The following LCORL variants were observed in gnomAD, a reference collection of about 807,000 sequenced individuals.
LCORL encodes the protein ligand-dependent nuclear receptor corepressor-like protein.
Under a neutral mutation model 141.8 loss-of-function variants are expected in LCORL, and 41 were observed. The ratio of observed to expected loss-of-function variants is 0.29; its 90% CI spans 0.23 to 0.38. The LOEUF (loss-of-function observed/expected upper bound fraction) is 0.38, where lower values mean the gene tolerates loss of function less well. Ranked by LOEUF, LCORL falls within the 10% of genes least tolerant of loss-of-function variation. The probability of loss-of-function intolerance (pLI) is 1.00; values close to 1 mark genes in which losing one functional copy is unlikely to be tolerated. For synonymous variants in LCORL, 618 were observed against 694.1 expected (o/e 0.89, Z 1.72); for missense variants, 1,759 against 2,035.0 (o/e 0.86, Z 2.61).
At chr4:17,875,744 T>C (rs1726852615) in exon 7 of LCORL, 1 of 1,231,260 alleles carries the variant, frequency 8.1e-7, no homozygotes, top group East Asian at 3.2e-5. Context: ...GACCTATTTT[T>C]TTTGGTCTAC....
chr4:17,924,569 AAT>A (rs1191612402), intron 4 of LCORL, among the ~76,000 whole-genome samples: 2 of 152,202 alleles, frequency 1.3e-5, no homozygotes, highest in Non-Finnish European at 2.9e-5. Flanking sequence ...TCCTCACTGG[AAT>A]AGACACTTAC....
chr4:17,961,771 G>C, intron 4 of LCORL, 132 bp downstream of exon 4: 1 of 639,968 alleles, frequency 1.6e-6, no homozygotes, highest in Non-Finnish European at 2.5e-6. Context: ...AAAATATAAA[G>C]AAAAATTAAG....
At chr4:17,910,202 T>C (rs1732292220) in intron 4 of LCORL, among the ~76,000 whole-genome samples, 1 of 152,140 alleles carries the variant, frequency 6.6e-6, no homozygotes, top group East Asian at 1.9e-4. Flanking sequence ...TAGTAAGAAG[T>C]GTGGGATAAG....
chr4:18,001,521 T>C lies in LCORL; in HGVS notation c.154+20077A>G, dbSNP rs116392858. Among the ~76,000 whole-genome samples the C allele has an allele frequency of 2.5e-3, 383 of 152,142 alleles. 2 individuals are homozygous for C. Among genetic ancestry groups the C allele is most frequent in the African/African-American group, 8.0e-3 (334 of 41,512 alleles). The stretch of plus-strand genomic sequence containing the variant: ...TTTATTCAGGGGTAACATGAACACA[T>C]TTGAATTTAGAAAAGTTATTCAATA... On this transcript the variant is annotated intron_variant, in intron 1 of 7. Coordinates refer to ENST00000635767, the Ensembl canonical transcript of LCORL.
rs770620312 is a variant in LCORL at position 17,845,838 on chromosome 4, AG to A, written c.*49del. ...TAAGGCACATCTTAATGGGGCTCAA[AG>A]GGCAACTTGCTGTATTCTCATCAGA... On this transcript the variant is annotated 3_prime_UTR_variant, in exon 8 of 8. Coordinates refer to ENST00000635767, the Ensembl canonical transcript of LCORL. 18 of 1,613,504 alleles carry A rather than the reference AG, an allele frequency of 1.1e-5. No homozygotes were observed. The African/African-American group carries it at 2.3e-4, about 20-fold the overall frequency.
rs1204824324 is a variant in LCORL, at chr4:17,884,249, G to A, written c.776+1819C>T. Reference sequence around the variant, plus strand: ...AACATCCAACAGACCAGAACCATCAGGTTGTGATTTTGAGACAGAACTTAC... The same window carrying A: ...AACATCCAACAGACCAGAACCATCAAGTTGTGATTTTGAGACAGAACTTAC... On this transcript the variant is annotated intron_variant, in intron 6 of 7. Coordinates refer to ENST00000635767, the Ensembl canonical transcript of LCORL. The surrounding 1 kb of genome is among the most constrained non-coding windows in gnomAD (Gnocchi z 4.4). 2 of 1,550,740 alleles carry A rather than the reference G, an allele frequency of 1.3e-6. No individual in the cohort carries two copies. Among genetic ancestry groups the A allele is most frequent in the Non-Finnish European group, 1.7e-6 (2 of 1,146,410 alleles).
chr4:17,882,204 C>T (rs1727665959), intron 6 of LCORL: 1 of 984,482 alleles, frequency 1.0e-6, no homozygotes, highest in Non-Finnish European at 1.2e-6. Flanking sequence ...AGTGTAAAAA[C>T]ACAAGCATTT....
intron 4 of LCORL, among the ~76,000 whole-genome samples, chr4:17,954,725 C>T (rs908095994): frequency 1.3e-5 from 2 of 152,194 alleles, no homozygotes; most frequent in African/African-American, 4.8e-5. Context: ...TTTGAAGGTA[C>T]AGACTTGATA....
intron 4 of LCORL, among the ~76,000 whole-genome samples, chr4:17,926,969 G>C (rs1290744860): frequency 6.6e-6 from 1 of 152,192 alleles, no homozygotes; most frequent in Non-Finnish European, 1.5e-5. Context: ...TTGAAGCCAG[G>C]CATTGACTTT....
intron 7 of LCORL, among the ~76,000 whole-genome samples, chr4:17,861,406 T>G (rs1463070476): frequency 6.6e-6 from 1 of 152,180 alleles, no homozygotes; most frequent in Non-Finnish European, 1.5e-5. Flanking sequence ...TAGTCACAGC[T>G]GGAGTGGCTG....
At chr4:18,011,428 T>TA (rs1270087082) in intron 1 of LCORL, among the ~76,000 whole-genome samples, 19 of 150,710 alleles carry the variant, frequency 1.3e-4, no homozygotes, top group South Asian at 8.4e-4. Flanking sequence ...ATTACCCATT[T>TA]TAAAAAAAAA....
intron 4 of LCORL, among the ~76,000 whole-genome samples, chr4:17,937,780 A>G (rs963434821): frequency 2.0e-5 from 3 of 152,164 alleles, no homozygotes; most frequent in African/African-American, 7.2e-5. Flanking sequence ...GCCTAGCTGT[A>G]TATTTTTCAA....
intron 3 of LCORL, 66 bp downstream of exon 3, chr4:17,962,904 A>G: frequency 1.2e-6 from 1 of 832,370 alleles, no homozygotes; most frequent in Non-Finnish European, 1.8e-6. Flanking sequence ...ACAAATTAAG[A>G]TAAAAAAAAA....
At chr4:17,890,313 T>C (rs958525836) in intron 5 of LCORL, among the ~76,000 whole-genome samples, 3 of 152,218 alleles carry the variant, frequency 2.0e-5, no homozygotes. Flanking sequence ...AAAGACAGTG[T>C]ATTTATTATG....
intron 6 of LCORL, chr4:17,883,541 T>C: frequency 7.5e-7 from 1 of 1,330,722 alleles, no homozygotes; most frequent in Non-Finnish European, 9.6e-7. Flanking sequence ...TGAATAAAAC[T>C]TTTTTTCAAA....
rs1374815646 is a variant in LCORL at position 17,998,985 on chromosome 4, A to AAAAAAAAATAT, written c.154+22612_154+22613insATATTTTTTTT. ...GTCTCAAAAAAAAAAAAAAAAAAAA[A>AAAAAAAAATAT]ATATATATATATATATATACACACA... On this transcript the variant is annotated intron_variant, in intron 1 of 7. Transcript: ENST00000635767. Among the ~76,000 whole-genome samples, 8 of 57,892 alleles carry AAAAAAAAATAT rather than the reference A, an allele frequency of 1.4e-4. 1 individual carries two copies. The highest frequency in any genetic ancestry group is 7.5e-4 in the South Asian group (1 of 1,334). The allele number at this position is 57,892 out of a possible 152,430, so 38.0% of individuals were successfully genotyped here. A position where few individuals can be genotyped will look rare whatever the true frequency, so the allele number is the denominator to read the frequency against.
chr4:17,965,378 C>T (rs2109622782), intron 2 of LCORL, among the ~76,000 whole-genome samples: 1 of 152,180 alleles, frequency 6.6e-6, no homozygotes, highest in South Asian at 2.1e-4. Flanking sequence ...TCATTAAAAA[C>T]TAAATAAATG....
At chr4:17,867,811 A>C (rs1210585562) in intron 7 of LCORL, among the ~76,000 whole-genome samples, 3 of 152,206 alleles carry the variant, frequency 2.0e-5, no homozygotes, top group Non-Finnish European at 4.4e-5. Context: ...AATGGAATAT[A>C]AAATATTCAA....
rs948205825 is a variant in LCORL at position 17,943,074 on chromosome 4, C to T, written c.430+18829G>A. On this transcript the variant is annotated intron_variant, in intron 4 of 7. Coordinates refer to ENST00000635767, the Ensembl canonical transcript of LCORL. ...CTTGCCTGAGAAAAATTGTCTTCTA[C>T]GAAACCTGTCCCTGGTGCCAAAAAC... 7.2e-5 allele frequency among the ~76,000 whole-genome samples: 11 copies of T among 152,162 alleles called. No homozygotes were observed. The East Asian group carries it at 9.6e-4, about 13-fold the overall frequency.
Sources: allele counts gnomAD v4.1 joint callset (sites outside exome capture counted in the v4.1 genomes callset), GRCh38; gene constraint gnomAD v4.1.1; non-coding constraint Gnocchi (gnomAD v3.1); transcripts MANE v1.5; gene names NCBI Gene and HGNC (gene_info 2026-07-23, HGNC 2026-07-21).